Variants in KNTC1 observed in about 807,000 individuals in gnomAD.
KNTC1 encodes the protein kinetochore-associated protein 1.
In KNTC1, 253 loss-of-function variants were observed where a neutral mutation model predicts 314.4. The observed-to-expected ratio is 0.80, with a 90% CI of 0.73 to 0.89. KNTC1 has a LOEUF of 0.89. Among genes scored for constraint, KNTC1 ranks in the 40% least tolerant of loss-of-function variants. The pLI is 0.00. For missense variants in KNTC1, 2,475 were observed against 2,572.9 expected, an observed-to-expected ratio of 0.96 and a Z score of 0.82; for synonymous variants, 901 against 901.4, an observed-to-expected ratio of 1.00 and a Z score of 0.01.
At chr12:122,563,219 C>G (rs1022154008) in intron 20 of KNTC1, among the ~76,000 whole-genome samples, 13 of 151,818 alleles carry the variant, frequency 8.6e-5, no homozygotes, top group Non-Finnish European at 1.9e-4. Context: ...CACCCAGGTT[C>G]GAGTGCAGTG....
chr12:122,601,488 A>G (rs1384155216), intron 44 of KNTC1, 48 bp from the exon 45 acceptor site: 1 of 1,441,720 alleles, frequency 6.9e-7, no homozygotes. Flanking sequence ...TAAAATTTCA[A>G]CATGGCAAAG....
At chr12:122,561,820 A>G (rs1963994338) in intron 18 of KNTC1, 101 bp from the exon 19 acceptor site, 1 of 925,446 alleles carries the variant, frequency 1.1e-6, no homozygotes, top group African/African-American at 1.7e-5. Flanking sequence ...CTTAAATGCA[A>G]TTTATTTAAA....
At position 122,530,145 on chromosome 12, in the gene KNTC1, A is replaced by T. The variant is rs2137632610; in HGVS notation, c.82A>T (p.Thr28Ser). 1 of 1,613,644 alleles carries T rather than the reference A, an allele frequency of 6.2e-7. No individual in the cohort carries two copies. The highest frequency in any genetic ancestry group is 2.2e-5 in the East Asian group (1 of 44,860). The change falls in exon 2 of 64, where the codon ACT becomes TCT. Residue 28 changes from threonine (T) to serine (S), a missense_variant. Thr to Ser is a moderately conservative substitution (Grantham distance 58, BLOSUM62 1). Coordinates refer to ENST00000333479, the MANE Select transcript of KNTC1 (RefSeq NM_014708.6). ...LSVGSRKEHG[T>S]ALYQVDLLVK... ...TGTCGGTTCAAGAAAAGAACATGGAACTGCTTTATATCAAGTAGATTTGCT... is the reference window on the plus strand; with the variant it reads ...TGTCGGTTCAAGAAAAGAACATGGATCTGCTTTATATCAAGTAGATTTGCT...
intron 3 of KNTC1, among the ~76,000 whole-genome samples, chr12:122,535,762 G>A (rs562530148): frequency 2.6e-5 from 4 of 152,056 alleles, no homozygotes; most frequent in African/African-American, 9.6e-5. Flanking sequence ...GTTGCAGTGA[G>A]CCAAGATTAT....
intron 5 of KNTC1, 119 bp downstream of exon 5, chr12:122,539,873 C>T (rs1962151958): frequency 1.6e-6 from 1 of 615,782 alleles, no homozygotes; most frequent in Non-Finnish European, 2.8e-6. Flanking sequence ...CCACCAGCTC[C>T]CAGGTTCAGG....
intron 23 of KNTC1, 40 bp downstream of exon 23, chr12:122,570,972 C>T: frequency 1.3e-6 from 2 of 1,591,138 alleles, no homozygotes; most frequent in Non-Finnish European, 1.7e-6. Flanking sequence ...ACATTTTGCA[C>T]ACTCCCAACA....
In KNTC1 at chr12:122,605,179, TTACA is replaced by T. The variant is rs937467484; in HGVS notation, c.5386+95_5386+98del. On this transcript the variant is annotated intron_variant, in intron 50 of 63. Transcript: ENST00000333479. ...ATATGTACGTGTACATATATATTAC[TTACA>T]TATGCTTATATATGTATATACTTAT... is the stretch of plus-strand genomic sequence containing the variant. The T allele has an allele frequency of 4.4e-6, 5 of 1,137,248 alleles. No individual in the cohort carries two copies. The African/African-American group carries it at 7.9e-5, about 18-fold the overall frequency. The allele number at this position is 1,137,248 out of a possible 1,614,324, so 70.4% of individuals were successfully genotyped here. A position where few individuals can be genotyped will look rare whatever the true frequency, so the allele number is the denominator to read the frequency against.
rs371360369 is a variant in KNTC1 at position 122,618,405 on chromosome 12, G to A, written c.6085+8G>A. 2.3e-5 allele frequency: 37 copies of A among 1,613,274 alleles called. 2 individuals carry two copies. In the East Asian group the frequency reaches 4.9e-4, roughly 21 times the overall value. On this transcript the variant is annotated splice_region_variant and intron_variant, in intron 58 of 63. Coordinates refer to ENST00000333479, the MANE Select transcript of KNTC1 (RefSeq NM_014708.6). ...AGATACCACTGCTTTCAGGTATTTC[G>A]CTCTCTGAAACATTGGCTACAGCAT...
At chr12:122,533,762 T>C (rs1221133341) in intron 2 of KNTC1, among the ~76,000 whole-genome samples, 1 of 150,502 alleles carries the variant, frequency 6.6e-6, no homozygotes, top group Admixed American at 6.6e-5. Flanking sequence ...GGATTACACC[T>C]GGAGAAGATG....
At chr12:122,583,187 T>C (rs1210995979) in intron 34 of KNTC1, among the ~76,000 whole-genome samples, 1 of 152,062 alleles carries the variant, frequency 6.6e-6, no homozygotes, top group East Asian at 1.9e-4. Flanking sequence ...GGCATGTGCC[T>C]ATAGTCCCAG....
Position 122,622,561 on chromosome 12 carries a change from AC to A in KNTC1, c.6471del (p.Asn2158ThrfsTer6). The part of the protein sequence containing the change: ...FQMLKMHAMN[T>X]NNITELVNYL... ...AATGTTGAAGATGCATGCGATGAAT[AC>A]CAACAATATCACTGAGCTAGTGAAC... On this transcript the variant is annotated frameshift_variant, in exon 62 of 64. Coordinates refer to ENST00000333479, the MANE Select transcript of KNTC1 (RefSeq NM_014708.6). LOFTEE classifies it high-confidence loss of function. 1 of 1,569,410 alleles carries A rather than the reference AC, an allele frequency of 6.4e-7. No homozygotes were observed. The highest frequency in any genetic ancestry group is 8.7e-7 in the Non-Finnish European group (1 of 1,155,972).
intron 20 of KNTC1, among the ~76,000 whole-genome samples, chr12:122,567,983 G>T (rs958962623): frequency 6.6e-6 from 1 of 152,030 alleles, no homozygotes; most frequent in Non-Finnish European, 1.5e-5. Flanking sequence ...AAACAAACAA[G>T]AGTGAAAAAT....
chr12:122,596,710 C>T (rs1429450754), intron 43 of KNTC1, among the ~76,000 whole-genome samples: 1 of 151,848 alleles, frequency 6.6e-6, no homozygotes, highest in South Asian at 2.1e-4. Context: ...AGTGTTGTGG[C>T]GCATGCTTGT....
At chr12:122,528,508 C>T (rs892117151) in intron 1 of KNTC1, among the ~76,000 whole-genome samples, 8 of 152,020 alleles carry the variant, frequency 5.3e-5, no homozygotes, top group Non-Finnish European at 8.8e-5. Flanking sequence ...CCCAGGAGAT[C>T]AAGGCCAGCC....
chr12:122,575,125 G>A lies in KNTC1; in HGVS notation c.2383-418G>A, dbSNP rs571031697. Among the ~76,000 whole-genome samples the A allele has an allele frequency of 7.0e-4, 106 of 152,208 alleles. 1 individual carries two copies. In the South Asian group the frequency reaches 0.022, roughly 31 times the overall value. Reference sequence around the variant, plus strand: ...AAAATACAAAAATTAGCCAGGTGTGGTGGTGCTTGCCTGTAGTCCAAGCTA... The same window carrying A: ...AAAATACAAAAATTAGCCAGGTGTGATGGTGCTTGCCTGTAGTCCAAGCTA... On this transcript the variant is annotated intron_variant, in intron 27 of 63. Coordinates refer to ENST00000333479, the MANE Select transcript of KNTC1 (RefSeq NM_014708.6).
intron 37 of KNTC1, among the ~76,000 whole-genome samples, chr12:122,586,030 G>A (rs1030954319): frequency 1.3e-5 from 2 of 151,886 alleles, no homozygotes; most frequent in Non-Finnish European, 2.9e-5. Context: ...AGGGAAAGGA[G>A]GGAGCTGGGG....
chr12:122,592,362 T>C (rs1870369679), intron 42 of KNTC1, among the ~76,000 whole-genome samples: 1 of 152,192 alleles, frequency 6.6e-6, no homozygotes, highest in South Asian at 2.1e-4. Flanking sequence ...CGCCCCATGC[T>C]CCACGGCGCC....
At chr12:122,612,876 A>G in intron 53 of KNTC1, 1 of 487,678 alleles carries the variant, frequency 2.1e-6, no homozygotes, top group Admixed American at 3.7e-5. Flanking sequence ...ATAACATCTT[A>G]GTATCATGAA....
chr12:122,603,472 G>T (rs1397353587), intron 48 of KNTC1, among the ~76,000 whole-genome samples: 1 of 151,920 alleles, frequency 6.6e-6, no homozygotes, highest in East Asian at 1.9e-4. Context: ...AGGCAGTGAT[G>T]GGTACTTTTA....
Sources: allele counts gnomAD v4.1 joint callset (sites outside exome capture counted in the v4.1 genomes callset), GRCh38; gene constraint gnomAD v4.1.1; transcripts MANE v1.5; gene names NCBI Gene and HGNC (gene_info 2026-07-23, HGNC 2026-07-21).